Variants in CWC25 observed in about 807,000 individuals in gnomAD.
The protein encoded by CWC25 is pre-mRNA-splicing factor CWC25 homolog.
Under a neutral mutation model 54.6 loss-of-function variants are expected in CWC25, and 31 were observed. The ratio of observed to expected loss-of-function variants is 0.57; its 90% CI spans 0.43 to 0.77. The LOEUF (loss-of-function observed/expected upper bound fraction) is 0.77, where lower values mean the gene tolerates loss of function less well. Among genes scored for constraint, CWC25 ranks in the 30% least tolerant of loss-of-function variants. CWC25 has a pLI of 0.00. For missense variants in CWC25, 453 were observed against 529.3 expected, an observed-to-expected ratio of 0.86 and a Z score of 1.41; for synonymous variants, 151 against 187.0, an observed-to-expected ratio of 0.81 and a Z score of 1.57.
chr17:38,811,007 A>AG (rs1324041601), intron 4 of CWC25, among the ~76,000 whole-genome samples: 2 of 142,944 alleles, frequency 1.4e-5, no homozygotes, highest in Non-Finnish European at 3.0e-5. Context: ...CTGAGGTGGG[A>AG]GGATCACAAG....
rs1357986358 is a variant in CWC25 at position 38,812,852 on chromosome 17, C to T, written c.441G>A (p.Glu147=). 36 of 1,514,502 alleles carry T rather than the reference C, an allele frequency of 2.4e-5. No homozygotes were observed. Among genetic ancestry groups the T allele is most frequent in the Admixed American group, 3.9e-5 (2 of 50,852 alleles). 93.8% of individuals were successfully genotyped at this position (1,514,502 alleles called of 1,614,324 possible). Residue 147 remains glutamate (E), a synonymous_variant, in exon 4 of 10, where the codon GAG becomes GAA. Coordinates refer to ENST00000614790, the MANE Select transcript of CWC25 (RefSeq NM_017748.5). ...DPLFIIRKKE[E]EKKREVLNNP... ...TATTTAATACCTCTCGTTTTTTCTCCTCCTCCTTCTTCCTAAAGAGAGATA... is the reference window on the plus strand; with the variant it reads ...TATTTAATACCTCTCGTTTTTTCTCTTCCTCCTTCTTCCTAAAGAGAGATA...
At chr17:38,812,732 A>C in intron 4 of CWC25, 63 bp downstream of exon 4, 1 of 948,056 alleles carries the variant, frequency 1.1e-6, no homozygotes, top group Non-Finnish European at 1.6e-6. Context: ...GAGTAAATGG[A>C]GAGACGTTCT....
intron 2 of CWC25, among the ~76,000 whole-genome samples, chr17:38,817,360 T>C (rs1911745629): frequency 6.7e-6 from 1 of 148,732 alleles, no homozygotes; most frequent in South Asian, 2.1e-4. Flanking sequence ...AAATAAGAAT[T>C]GATCATGGGG....
intron 8 of CWC25, among the ~76,000 whole-genome samples, chr17:38,805,138 GACA>G (rs919584852): frequency 6.6e-6 from 1 of 151,022 alleles, no homozygotes; most frequent in Non-Finnish European, 1.5e-5. Flanking sequence ...AGCTGGGCGT[GACA>G]ACATGTGCCT....
At position 38,800,809 on chromosome 17, in the gene CWC25, A is replaced by C. The variant is rs1276210244; in HGVS notation, c.*1283T>G. 2 of 152,094 alleles carry C rather than the reference A, an allele frequency of 1.3e-5. No homozygotes were observed. The highest frequency in any genetic ancestry group is 2.9e-5 in the Non-Finnish European group (2 of 68,106). The allele number at this position is 152,094 out of a possible 1,614,324, so 9.4% of individuals were successfully genotyped here. ...TTGTTGCTGTTGTTTTTTGAGACGG[A>C]ATCTCGCTCTGTCACCCAGGCTGGA... On this transcript the variant is annotated 3_prime_UTR_variant, in exon 10 of 10. Coordinates refer to ENST00000614790, the MANE Select transcript of CWC25 (RefSeq NM_017748.5).
At chr17:38,802,300 A>G (rs1911060220) in intron 9 of CWC25, 94 bp from the exon 10 acceptor site, 1 of 810,644 alleles carries the variant, frequency 1.2e-6, no homozygotes, top group Non-Finnish European at 2.0e-6. Flanking sequence ...TTAGCCATAG[A>G]GCAGCTGTAA....
At chr17:38,814,246 A>T (rs1255576449) in intron 3 of CWC25, among the ~76,000 whole-genome samples, 1 of 151,432 alleles carries the variant, frequency 6.6e-6, no homozygotes, top group Non-Finnish European at 1.5e-5. Context: ...GTTGCACAAC[A>T]CTTTGACTGT....
Position 38,814,850 on chromosome 17 carries a change from C to G in CWC25, c.428+11G>C. On this transcript the variant is annotated intron_variant, in intron 3 of 9. Coordinates refer to ENST00000614790, the MANE Select transcript of CWC25 (RefSeq NM_017748.5). ...CTGTAACAAACCCCCTTCCTAGCCC[C>G]CCATTAGTACCTGATGATGAAGAGT... 6.2e-7 allele frequency: 1 copy of G among 1,603,854 alleles called. No homozygotes were observed. The highest frequency in any genetic ancestry group is 8.5e-7 in the Non-Finnish European group (1 of 1,171,992).
At chr17:38,820,006 T>C (rs1011385013) in intron 2 of CWC25, among the ~76,000 whole-genome samples, 5 of 152,150 alleles carry the variant, frequency 3.3e-5, no homozygotes, top group African/African-American at 4.8e-5. Flanking sequence ...GATGGGTTCC[T>C]ACTACAGACT....
At chr17:38,820,168 C>T (rs908285551) in intron 2 of CWC25, among the ~76,000 whole-genome samples, 1 of 152,162 alleles carries the variant, frequency 6.6e-6, no homozygotes, top group Non-Finnish European at 1.5e-5. Flanking sequence ...CTCCTGGGCT[C>T]AAGTGATTTC....
intron 3 of CWC25, 53 bp downstream of exon 3, chr17:38,814,808 G>T (rs560035530): frequency 8.5e-7 from 1 of 1,179,274 alleles, no homozygotes; most frequent in Non-Finnish European, 1.2e-6. Context: ...AATGGCCTTA[G>T]CAGGGTCTCA....
chr17:38,817,157 A>G (rs1456686327), intron 2 of CWC25, among the ~76,000 whole-genome samples: 19 of 145,848 alleles, frequency 1.3e-4, no homozygotes, highest in South Asian at 8.9e-4. Context: ...TGGCCAACAC[A>G]GTGAAACCCC....
At position 38,825,019 on chromosome 17, in the gene CWC25, G is replaced by A. The variant is rs530196957; in HGVS notation, c.18+147C>T. 1,458 of 668,582 alleles carry A rather than the reference G, an allele frequency of 2.2e-3. 5 individuals carry two copies. Among genetic ancestry groups the A allele is most frequent in the Non-Finnish European group, 2.9e-3 (1,212 of 411,270 alleles). 41.4% of individuals were successfully genotyped at this position (668,582 alleles called of 1,614,324 possible). ...AGTCCCACCCCTCCATTGCCCTAAG[G>A]ATCCATCCCCTCTTCAGGGCAACGG... On this transcript the variant is annotated intron_variant, in intron 1 of 9. Coordinates refer to ENST00000614790, the MANE Select transcript of CWC25 (RefSeq NM_017748.5).
At chr17:38,821,705 A>T (rs1274639554) in intron 1 of CWC25, among the ~76,000 whole-genome samples, 1 of 152,144 alleles carries the variant, frequency 6.6e-6, no homozygotes, top group Non-Finnish European at 1.5e-5. Flanking sequence ...AGACAGGAGG[A>T]ATGCAGTAAT....
At chr17:38,817,941 G>A (rs559352367) in intron 2 of CWC25, among the ~76,000 whole-genome samples, 73 of 151,708 alleles carry the variant, frequency 4.8e-4, no homozygotes, top group Non-Finnish European at 8.7e-4. Context: ...ACTCCAGCCT[G>A]GGAGACAGAG....
At chr17:38,813,400 G>A (rs527804112) in intron 3 of CWC25, among the ~76,000 whole-genome samples, 100 of 151,806 alleles carry the variant, frequency 6.6e-4, no homozygotes, top group African/African-American at 2.1e-3. Context: ...TTAAACCCAG[G>A]AGGCGGAGGT....
chr17:38,811,484 G>C (rs1911485259), intron 4 of CWC25, among the ~76,000 whole-genome samples: 1 of 145,972 alleles, frequency 6.9e-6, no homozygotes, highest in Admixed American at 7.0e-5. Context: ...AGTGAGCTAA[G>C]ATCGTGTCAC....
intron 3 of CWC25, among the ~76,000 whole-genome samples, chr17:38,813,331 A>C (rs1400817972): frequency 6.6e-6 from 1 of 151,326 alleles, no homozygotes; most frequent in Non-Finnish European, 1.5e-5. Flanking sequence ...TTAGCCGGGC[A>C]TGGTAGCAGC....
At chr17:38,824,166 G>A (rs886124159) in intron 1 of CWC25, among the ~76,000 whole-genome samples, 2 of 152,140 alleles carry the variant, frequency 1.3e-5, no homozygotes, top group Non-Finnish European at 1.5e-5. Context: ...TCCACTTTCC[G>A]GAGGCTAGCA....
Sources: allele counts gnomAD v4.1 joint callset (sites outside exome capture counted in the v4.1 genomes callset), GRCh38; gene constraint gnomAD v4.1.1; transcripts MANE v1.5; gene names NCBI Gene and HGNC (gene_info 2026-07-23, HGNC 2026-07-21).